Variants in CRACD observed in about 807,000 individuals in gnomAD.
CRACD encodes the protein capping protein-inhibiting regulator of actin dynamics.
A neutral mutation model predicts 106.8 loss-of-function variants in CRACD; 56 were observed. The observed-to-expected ratio is 0.52, with a 90% CI of 0.42 to 0.66. CRACD has a LOEUF of 0.66. Ranked by LOEUF, CRACD falls within the 30% of genes least tolerant of loss-of-function variation. The pLI is 0.00. For synonymous variants in CRACD, 754 were observed against 670.8 expected (o/e 1.12, Z -1.92); for missense variants, 1,730 against 1,623.2 (o/e 1.07, Z -1.13).
At chr4:56,151,626 A>G (rs865774538) in intron 1 of CRACD, among the ~76,000 whole-genome samples, 1 of 152,100 alleles carries the variant, frequency 6.6e-6, no homozygotes, top group Non-Finnish European at 1.5e-5. Context: ...AACCTCATAC[A>G]AGTTTTGCTA....
chr4:56,204,758 G>A (rs1738042743), intron 2 of CRACD, among the ~76,000 whole-genome samples: 2 of 152,160 alleles, frequency 1.3e-5, no homozygotes, highest in South Asian at 4.1e-4. Flanking sequence ...GCAGTTCCTG[G>A]CTAGCTTTAC....
In CRACD at chr4:56,323,458, T is replaced by A. The variant is rs1475426604; in HGVS notation, c.3269T>A (p.Ile1090Lys). Reference protein sequence around the residue: ...EKVETAQPLWITLALQKQKGF... With the variant: ...EKVETAQPLWKTLALQKQKGF... ...GTGGAAACTGCTCAGCCGCTGTGGA[T>A]AACGTTAGCACTGCAAAAGCAAAAG... The change falls in exon 9 of 11, where the codon ATA (isoleucine) becomes AAA (lysine). Residue 1090 changes from isoleucine (I) to lysine (K), a missense_variant. Physicochemically the swap from Ile to Lys is moderately radical, Grantham distance 102 (BLOSUM62 -3). Around this residue, in one of 5 missense-constraint regions of CRACD, gnomAD observed 1,620 missense variants for 1,481.6 expected, o/e 1.09. Transcript: ENST00000682029. 1 of 1,611,592 alleles carries A rather than the reference T, an allele frequency of 6.2e-7. No individual in the cohort carries two copies. The highest frequency in any genetic ancestry group is 2.2e-5 in the East Asian group (1 of 44,644).
At chr4:56,318,312 G>A (rs1378463052) in intron 8 of CRACD, among the ~76,000 whole-genome samples, 1 of 152,056 alleles carries the variant, frequency 6.6e-6, no homozygotes, top group Non-Finnish European at 1.5e-5. Context: ...TTTTTAAATA[G>A]TCCACTTGCT....
chr4:56,225,221 T>C (rs1381069499), intron 2 of CRACD, among the ~76,000 whole-genome samples: 1 of 151,928 alleles, frequency 6.6e-6, no homozygotes, highest in Non-Finnish European at 1.5e-5. Flanking sequence ...CCTCCCGGAG[T>C]AGCTGGGATT....
intron 1 of CRACD, among the ~76,000 whole-genome samples, chr4:56,139,318 C>T (rs1735114276): frequency 6.6e-6 from 1 of 152,050 alleles, no homozygotes; most frequent in Non-Finnish European, 1.5e-5. Context: ...TCTCTCCCTT[C>T]CTCTCTTCCT....
chr4:56,258,010 C>T lies in CRACD; in HGVS notation c.-188-14311C>T, dbSNP rs1577815372. On this transcript the variant is annotated intron_variant, in intron 2 of 10. Transcript: ENST00000682029. The stretch of plus-strand genomic sequence containing the variant: ...GCTTGAACCCGGGAGGCAGAGGTGG[C>T]AGTGAGCCTAGATCGCACCACTGCA... Among the ~76,000 whole-genome samples, 4 of 149,544 alleles carry T rather than the reference C, an allele frequency of 2.7e-5. No homozygotes were observed. The East Asian group carries it at 7.9e-4, about 30-fold the overall frequency.
Position 56,316,424 on chromosome 4 carries a change from A to C in CRACD, c.2922A>C (p.Ala974=). 6.2e-7 allele frequency: 1 copy of C among 1,614,128 alleles called. No homozygotes were observed. The highest frequency in any genetic ancestry group is 8.5e-7 in the Non-Finnish European group (1 of 1,179,974). The change falls in exon 8 of 11, where the codon GCA becomes GCC. Residue 974 remains alanine (A), a synonymous_variant. Transcript: ENST00000682029. ...AGCCCACCAGTCAGACCCCACCAGCATCCCCACTTTCCAAACTGAGCAGGC... is the reference window on the plus strand; with the variant it reads ...AGCCCACCAGTCAGACCCCACCAGCCTCCCCACTTTCCAAACTGAGCAGGC... ...APKPTSQTPP[A]SPLSKLSRPY... is the part of the protein sequence containing the mutation.
At chr4:56,228,232 G>C (rs1739417357) in intron 2 of CRACD, among the ~76,000 whole-genome samples, 1 of 152,032 alleles carries the variant, frequency 6.6e-6, no homozygotes, top group Admixed American at 6.6e-5. Context: ...TACTTAATCT[G>C]TACTGGACAA....
intron 2 of CRACD, among the ~76,000 whole-genome samples, chr4:56,226,518 C>T (rs774042068): frequency 1.3e-5 from 2 of 151,800 alleles, no homozygotes; most frequent in Non-Finnish European, 2.9e-5. Context: ...GATTCAGAGT[C>T]AGCAAAAAAG....
intron 1 of CRACD, among the ~76,000 whole-genome samples, chr4:56,127,570 A>G (rs1734700424): frequency 1.3e-5 from 2 of 152,176 alleles, no homozygotes; most frequent in Admixed American, 6.5e-5. Context: ...AAGGTGGCTG[A>G]TACTTTTGGA....
chr4:56,254,398 G>GTTTTTTTT (rs34456577), intron 2 of CRACD, among the ~76,000 whole-genome samples: 1 of 81,096 alleles, frequency 1.2e-5, no homozygotes, highest in African/African-American at 3.5e-5. Flanking sequence ...TTTTGTGGGG[G>GTTTTTTTT]TTTTTTTTTT....
chr4:56,299,666 T>C (rs114305373), intron 4 of CRACD, among the ~76,000 whole-genome samples: 3,152 of 143,652 alleles, frequency 0.022, 119 homozygotes, highest in African/African-American at 0.077. Flanking sequence ...TGAGAGCTTG[T>C]CCAAAAAAAA....
intron 3 of CRACD, among the ~76,000 whole-genome samples, chr4:56,280,244 G>A (rs142941364): frequency 6.6e-6 from 1 of 151,644 alleles, no homozygotes; most frequent in Non-Finnish European, 1.5e-5. Context: ...GTATACACAT[G>A]TAACAAACGT....
At chr4:56,076,347 G>A (rs1307066399) in intron 1 of CRACD, among the ~76,000 whole-genome samples, 1 of 152,132 alleles carries the variant, frequency 6.6e-6, no homozygotes, top group East Asian at 1.9e-4. Context: ...CCTTGTAAAC[G>A]AATACAGGGG....
chr4:56,244,701 C>G (rs546412488), intron 2 of CRACD, among the ~76,000 whole-genome samples: 1 of 152,344 alleles, frequency 6.6e-6, no homozygotes, highest in East Asian at 1.9e-4. Flanking sequence ...ACCCTACAGT[C>G]CATGATGAAA....
chr4:56,202,750 G>A (rs113813470), intron 2 of CRACD, among the ~76,000 whole-genome samples: 4 of 152,062 alleles, frequency 2.6e-5, no homozygotes, highest in African/African-American at 9.7e-5. Context: ...TAAACCTTCT[G>A]AAATAACTTT....
chr4:56,261,512 A>G (rs1741705248), intron 2 of CRACD, among the ~76,000 whole-genome samples: 1 of 151,882 alleles, frequency 6.6e-6, no homozygotes, highest in African/African-American at 2.4e-5. Context: ...CACCACGCCC[A>G]GCTAATTTTT....
At chr4:56,161,653 T>G (rs571048176) in intron 1 of CRACD, among the ~76,000 whole-genome samples, 1 of 152,138 alleles carries the variant, frequency 6.6e-6, no homozygotes, top group South Asian at 2.1e-4. Flanking sequence ...GAAGATAGAG[T>G]TTCACCATGT....
intron 2 of CRACD, among the ~76,000 whole-genome samples, chr4:56,199,681 C>CAAAA (rs372264328): frequency 9.9e-6 from 1 of 101,272 alleles, no homozygotes; most frequent in South Asian, 3.3e-4. Flanking sequence ...AACTCCGTCT[C>CAAAA]AAAAAAAAAA....
Sources: allele counts gnomAD v4.1 joint callset (sites outside exome capture counted in the v4.1 genomes callset), GRCh38; gene constraint gnomAD v4.1.1; regional missense constraint gnomAD v4.1.1; transcripts MANE v1.5; gene names NCBI Gene and HGNC (gene_info 2026-07-23, HGNC 2026-07-21).